Variants in DPP6 observed in about 807,000 individuals in gnomAD.
The protein encoded by DPP6 is A-type potassium channel modulatory protein DPP6.
DPP6 carries 69 observed loss-of-function variants against 122.6 expected under a neutral mutation model. The ratio of observed to expected loss-of-function variants is 0.56; its 90% CI spans 0.46 to 0.69. The LOEUF is 0.69. Among genes scored for constraint, DPP6 ranks in the 30% least tolerant of loss-of-function variants. The pLI is 0.00. For synonymous variants in DPP6, 418 were observed against 433.1 expected (o/e 0.97, Z 0.43); for missense variants, 928 against 1,116.9 (o/e 0.83, Z 2.41).
chr7:154,619,031 TC>T (rs1834456587), intron 5 of DPP6, among the ~76,000 whole-genome samples: 1 of 152,086 alleles, frequency 6.6e-6, no homozygotes, highest in African/African-American at 2.4e-5. Flanking sequence ...AAAGGGCAGT[TC>T]CCCTCCACAC....
rs977498138 is a variant in DPP6 at position 154,316,534 on chromosome 7, G to A, written c.244-129680G>A. On this transcript the variant is annotated intron_variant, in intron 1 of 25. Coordinates refer to ENST00000377770, the MANE Select transcript of DPP6 (RefSeq NM_130797.4). ...AAGTTCTAATTGAACCACCTTCTCC[G>A]ATGCAGAGAAAAAGCAGACTTGAAC... Among the ~76,000 whole-genome samples the A allele has an allele frequency of 2.0e-5, 3 of 152,140 alleles. No individual in the cohort carries two copies. In the East Asian group the frequency reaches 5.8e-4, roughly 29 times the overall value.
chr7:154,299,972 G>T (rs994323661), intron 1 of DPP6, among the ~76,000 whole-genome samples: 6 of 152,290 alleles, frequency 3.9e-5, no homozygotes, highest in Middle Eastern at 3.4e-3. Flanking sequence ...ACATCTGGAG[G>T]GGGGAGAATG....
chr7:154,245,596 A>G (rs1801925431), intron 1 of DPP6, among the ~76,000 whole-genome samples: 1 of 146,226 alleles, frequency 6.8e-6, no homozygotes, highest in African/African-American at 2.5e-5. Flanking sequence ...AGATTGTGCC[A>G]CTGCACTCCA....
intron 1 of DPP6, among the ~76,000 whole-genome samples, chr7:154,085,854 A>G (rs1289957695): frequency 1.3e-5 from 2 of 152,090 alleles, no homozygotes; most frequent in Non-Finnish European, 2.9e-5. Context: ...CAGCCTCCCA[A>G]GTAGCTGGGA....
chr7:153,891,381 A>G (rs1799196956), intron 1 of DPP6, among the ~76,000 whole-genome samples: 1 of 152,178 alleles, frequency 6.6e-6, no homozygotes, highest in African/African-American at 2.4e-5. Flanking sequence ...TAATACTGTG[A>G]GAATTCACAG....
At chr7:154,471,478 A>C (rs1412445305) in intron 2 of DPP6, among the ~76,000 whole-genome samples, 1 of 152,068 alleles carries the variant, frequency 6.6e-6, no homozygotes, top group Non-Finnish European at 1.5e-5. Context: ...GGGTACATGG[A>C]GTCCCTGCCT....
In DPP6 at chr7:154,637,871, TG is replaced by T; in HGVS notation, c.680+1del. The T allele has an allele frequency of 6.4e-7, 1 of 1,572,606 alleles. No homozygotes were observed. Among genetic ancestry groups the T allele is most frequent in the Non-Finnish European group, 8.6e-7 (1 of 1,156,930 alleles). Reference sequence around the variant, plus strand: ...ATTACGTCCTGAGCAAAATTCCTCATGGGTAAGAGTGTTCTTTTCTTTCTTT... The same window carrying T: ...ATTACGTCCTGAGCAAAATTCCTCATGGTAAGAGTGTTCTTTTCTTTCTTT... ...GYYVLSKIPH[G>X]DPQSLDPPEV... On this transcript the variant is annotated frameshift_variant and splice_region_variant, in exon 6 of 26. Transcript: ENST00000377770. LOFTEE classifies it high-confidence loss of function.
chr7:153,777,780 T>A, the DPP6 span, among the ~76,000 whole-genome samples: 2 of 132,096 alleles, frequency 1.5e-5, no homozygotes, highest in Non-Finnish European at 3.1e-5. Flanking sequence ...AAGGAATTTC[T>A]GGGGTGATGA....
intron 5 of DPP6, among the ~76,000 whole-genome samples, chr7:154,605,330 T>G (rs1833554582): frequency 8.4e-6 from 1 of 119,280 alleles, no homozygotes; most frequent in African/African-American, 2.7e-5. Flanking sequence ...TTTAGTCAGT[T>G]TTACGAGCAA....
chr7:154,828,043 G>A (rs1050317485), intron 16 of DPP6, among the ~76,000 whole-genome samples: 5 of 152,164 alleles, frequency 3.3e-5, no homozygotes, highest in East Asian at 1.9e-4. Context: ...TAAACGCAGC[G>A]CTGAACTTTC....
At chr7:154,867,762 C>T (rs572407531) in intron 17 of DPP6, among the ~76,000 whole-genome samples, 5 of 152,270 alleles carry the variant, frequency 3.3e-5, no homozygotes, top group African/African-American at 1.2e-4. Flanking sequence ...AAGCCTAAGA[C>T]GGTGGGGAGA....
At chr7:154,305,269 A>G (rs1806221098) in intron 1 of DPP6, 2 of 1,303,090 alleles carry the variant, frequency 1.5e-6, no homozygotes, top group Non-Finnish European at 2.0e-6. Flanking sequence ...CCCACTAAGC[A>G]GCGGCAGCTT....
At chr7:154,419,979 T>G (rs1046258053) in intron 1 of DPP6, among the ~76,000 whole-genome samples, 8 of 152,158 alleles carry the variant, frequency 5.3e-5, no homozygotes, top group Admixed American at 5.2e-4. Flanking sequence ...GTAAATGCCT[T>G]TGACGGATGG....
chr7:154,838,797 A>G (rs989996446), intron 16 of DPP6: 1 of 152,258 alleles, frequency 6.6e-6, no homozygotes, highest in Non-Finnish European at 1.5e-5. Context: ...TCTCAGGACA[A>G]CAGCACATCT....
chr7:154,838,750 C>T (rs1366411194), intron 16 of DPP6: 2 of 152,180 alleles, frequency 1.3e-5, no homozygotes, highest in Non-Finnish European at 1.5e-5. Context: ...AAGTGACCTC[C>T]CTGGACTTTA....
chr7:154,378,353 A>G (rs1267958066), intron 1 of DPP6, among the ~76,000 whole-genome samples: 1 of 152,262 alleles, frequency 6.6e-6, no homozygotes, highest in Non-Finnish European at 1.5e-5. Flanking sequence ...ATAAACTACC[A>G]TCAAAAAGTA....
intron 7 of DPP6, among the ~76,000 whole-genome samples, chr7:154,697,704 A>G (rs1840297024): frequency 1.3e-5 from 2 of 152,258 alleles, no homozygotes; most frequent in African/African-American, 4.8e-5. Flanking sequence ...GGAAGAAACA[A>G]TAAGTGAGAA....
At chr7:154,067,713 T>A (rs1182397390) in intron 1 of DPP6, among the ~76,000 whole-genome samples, 1 of 152,158 alleles carries the variant, frequency 6.6e-6, no homozygotes, top group African/African-American at 2.4e-5. Context: ...GCAGTAATGT[T>A]GCTGGAAAGA....
chr7:154,179,607 C>T (rs1585564489), intron 1 of DPP6, among the ~76,000 whole-genome samples: 1 of 152,208 alleles, frequency 6.6e-6, no homozygotes, highest in Non-Finnish European at 1.5e-5. Flanking sequence ...ATGGCTGTTG[C>T]TTCCTTTTCC....
Sources: gnomAD v4.1 joint callset for allele counts (sites outside exome capture counted in the v4.1 genomes callset) on GRCh38, gnomAD v4.1.1 for gene constraint, MANE v1.5 for transcripts, NCBI Gene and HGNC (gene_info 2026-07-23, HGNC 2026-07-21) for gene names.